Variants in SLC13A1 observed in about 807,000 individuals in gnomAD.
SLC13A1 encodes solute carrier family 13 member 1, also known as Na(+)/sulfate cotransporter.
Under a neutral mutation model 70.0 loss-of-function variants are expected in SLC13A1, and 65 were observed. The ratio of observed to expected loss-of-function variants is 0.93; its 90% confidence interval spans 0.76 to 1.14. The LOEUF is 1.14. SLC13A1 is among the 50% of genes most tolerant of loss of function. The probability of loss-of-function intolerance (pLI) is 0.00; values close to 1 mark genes in which losing one functional copy is unlikely to be tolerated. For missense variants in SLC13A1, 726 were observed against 717.8 expected, an observed-to-expected ratio of 1.01 and a Z score of -0.13; for synonymous variants, 275 against 250.5, an observed-to-expected ratio of 1.10 and a Z score of -0.92.
intron 1 of SLC13A1, chr7:123,186,556 A>G (rs1420017914): frequency 3.7e-6 from 1 of 273,518 alleles, no homozygotes; most frequent in African/African-American, 2.3e-5. Flanking sequence ...AAGAAATAAA[A>G]CCACCACAAA....
At chr7:123,166,055 C>G (rs1795065545) in intron 6 of SLC13A1, among the ~76,000 whole-genome samples, 1 of 152,116 alleles carries the variant, frequency 6.6e-6, no homozygotes, top group Non-Finnish European at 1.5e-5. Flanking sequence ...CGCTGCAGTA[C>G]TCCCAGATCA....
intron 6 of SLC13A1, among the ~76,000 whole-genome samples, chr7:123,148,176 C>T (rs1794428640): frequency 1.3e-5 from 2 of 152,250 alleles, no homozygotes; most frequent in East Asian, 1.9e-4. Flanking sequence ...CTCTTTCTCT[C>T]CCCATTCCTT....
At chr7:123,144,976 G>T (rs534070518) in intron 7 of SLC13A1, among the ~76,000 whole-genome samples, 3 of 152,214 alleles carry the variant, frequency 2.0e-5, no homozygotes, top group South Asian at 4.1e-4. Context: ...TAGACCTTTT[G>T]ACTGATGACA....
chr7:123,122,896 C>A (rs1033014264), intron 12 of SLC13A1, among the ~76,000 whole-genome samples: 12 of 152,090 alleles, frequency 7.9e-5, no homozygotes, highest in Non-Finnish European at 1.5e-4. Context: ...TGTATTATTT[C>A]TTTTGACATT....
At chr7:123,185,823 G>A (rs1323964919) in intron 1 of SLC13A1, among the ~76,000 whole-genome samples, 3 of 152,000 alleles carry the variant, frequency 2.0e-5, no homozygotes, top group Non-Finnish European at 4.4e-5. Context: ...GGGTAGGGTA[G>A]CCATCTGCCC....
At chr7:123,175,285 A>AT in intron 2 of SLC13A1, among the ~76,000 whole-genome samples, 1 of 151,986 alleles carries the variant, frequency 6.6e-6, no homozygotes. Flanking sequence ...TGGGGTGATA[A>AT]TTTTTTTTCC....
intron 6 of SLC13A1, among the ~76,000 whole-genome samples, chr7:123,156,911 C>T (rs887142933): frequency 2.0e-5 from 3 of 151,992 alleles, no homozygotes; most frequent in Non-Finnish European, 4.4e-5. Context: ...TTTTGCTGTT[C>T]CCATCTTTAT....
intron 12 of SLC13A1, among the ~76,000 whole-genome samples, chr7:123,121,975 T>C (rs1287739450): frequency 1.3e-5 from 2 of 152,118 alleles, no homozygotes; most frequent in Non-Finnish European, 2.9e-5. Context: ...TTTGGCTCTG[T>C]ATATTGAGAT....
In SLC13A1 at chr7:123,147,176, A is replaced by G. The variant is rs903152063; in HGVS notation, c.795T>C (p.Phe265=). The G allele has an allele frequency of 6.2e-7, 1 of 1,613,666 alleles. No homozygotes were observed. Among genetic ancestry groups the G allele is most frequent in the Non-Finnish European group, 8.5e-7 (1 of 1,179,744 alleles). The change falls in exon 7 of 15, where the codon TTT becomes TTC. Residue 265 remains phenylalanine (F), a synonymous_variant. Coordinates refer to ENST00000194130, the MANE Select transcript of SLC13A1 (RefSeq NM_022444.4). ...TTACTTACGTATTGAAATACTCTGC[A>G]AAGATCAAGTTGGTGGAGGTACCAG... ...TITGTSTNLI[F]AEYFNTRYPD... is the part of the protein sequence containing the mutation.
At chr7:123,129,324 CTG>C (rs3837116) in intron 9 of SLC13A1, 57 bp downstream of exon 9, 11,372 of 777,212 alleles carry the variant, frequency 0.015, 80 homozygotes, top group African/African-American at 0.041. Flanking sequence ...TCTCTCTTCT[CTG>C]TGTGTGTGTG....
At chr7:123,152,994 GATA>G (rs1172941128) in intron 6 of SLC13A1, among the ~76,000 whole-genome samples, 2 of 151,980 alleles carry the variant, frequency 1.3e-5, no homozygotes, top group Non-Finnish European at 2.9e-5. Context: ...TTATTAAATT[GATA>G]ATAAGAATGG....
intron 1 of SLC13A1, among the ~76,000 whole-genome samples, chr7:123,189,059 G>A (rs1795910353): frequency 7.2e-6 from 1 of 138,140 alleles, no homozygotes; most frequent in African/African-American, 2.7e-5. Context: ...AGCTTGCAGT[G>A]AGCCGAGATC....
intron 6 of SLC13A1, among the ~76,000 whole-genome samples, chr7:123,149,843 C>T (rs1001419683): frequency 4.6e-5 from 7 of 152,008 alleles, no homozygotes; most frequent in Non-Finnish European, 2.9e-5. Context: ...AGTTATGGTC[C>T]TCTCCTTTCT....
intron 3 of SLC13A1, among the ~76,000 whole-genome samples, chr7:123,171,017 C>T (rs1180914759): frequency 3.3e-5 from 5 of 151,738 alleles, no homozygotes; most frequent in East Asian, 1.9e-4. Context: ...GATGTGTCTA[C>T]GCCCTAGAAT....
intron 3 of SLC13A1, among the ~76,000 whole-genome samples, 173 bp from the exon 4 acceptor site, chr7:123,169,508 G>A (rs184068709): frequency 2.0e-5 from 3 of 152,286 alleles, no homozygotes; most frequent in African/African-American, 7.2e-5. Flanking sequence ...TGACAGCCAG[G>A]TAGAAATCAA....
intron 7 of SLC13A1, among the ~76,000 whole-genome samples, chr7:123,139,724 G>T (rs1794066670): frequency 6.6e-6 from 1 of 151,760 alleles, no homozygotes; most frequent in South Asian, 2.1e-4. Context: ...ATTCACTGTT[G>T]GTATATACAA....
intron 8 of SLC13A1, among the ~76,000 whole-genome samples, chr7:123,131,847 T>G (rs745326288): frequency 6.6e-6 from 1 of 152,226 alleles, no homozygotes; most frequent in Admixed American, 6.5e-5. Flanking sequence ...TTCATGGGAT[T>G]TTTTTCCTCA....
chr7:123,117,388 T>C (rs555411594), intron 14 of SLC13A1, 83 bp downstream of exon 14: 6 of 1,331,412 alleles, frequency 4.5e-6, no homozygotes, highest in Non-Finnish European at 5.3e-6. Flanking sequence ...GGTTGATTGG[T>C]GTATAAAAGG....
chr7:123,156,676 T>G (rs1239910084), intron 6 of SLC13A1, among the ~76,000 whole-genome samples: 1 of 152,178 alleles, frequency 6.6e-6, no homozygotes, highest in Non-Finnish European at 1.5e-5. Context: ...TAAAGAAATT[T>G]TTTTTATAAT....
Sources: allele counts gnomAD v4.1 joint callset (sites outside exome capture counted in the v4.1 genomes callset), GRCh38; gene constraint gnomAD v4.1.1; transcripts MANE v1.5; gene names NCBI Gene and HGNC (gene_info 2026-07-23, HGNC 2026-07-21).